Variants in VMP1 observed in about 807,000 individuals in gnomAD.
VMP1 encodes the protein ectopic P-granules autophagy protein 3 homolog.
A neutral mutation model predicts 56.0 loss-of-function variants in VMP1; 11 were observed. The ratio of observed to expected loss-of-function variants is 0.20; its 90% CI spans 0.12 to 0.32. VMP1 has a LOEUF of 0.32. Among genes scored for constraint, VMP1 ranks in the 10% least tolerant of loss-of-function variants. VMP1 has a pLI of 1.00. For synonymous variants in VMP1, 149 were observed against 165.0 expected (o/e 0.90, Z 0.74); for missense variants, 296 against 490.3 (o/e 0.60, Z 3.74).
At chr17:59,739,723 C>CA (rs35210425) in intron 5 of VMP1, among the ~76,000 whole-genome samples, 1,494 of 41,514 alleles carry the variant, frequency 0.036, 88 homozygotes, top group African/African-American at 0.14. Flanking sequence ...GACTCTGTCT[C>CA]AAAAAAAAAA....
intron 1 of VMP1, among the ~76,000 whole-genome samples, chr17:59,720,606 A>T (rs2034351749): frequency 6.6e-6 from 1 of 152,192 alleles, no homozygotes; most frequent in Admixed American, 6.5e-5. Context: ...ACTGCATTTA[A>T]AAATATTAAA....
chr17:59,720,612 T>C (rs2034352008), intron 1 of VMP1, among the ~76,000 whole-genome samples: 1 of 152,188 alleles, frequency 6.6e-6, no homozygotes, highest in South Asian at 2.1e-4. Context: ...TTTAAAAATA[T>C]TAAACAGCAT....
At chr17:59,745,421 A>G (rs1314131828) in intron 5 of VMP1, among the ~76,000 whole-genome samples, 1 of 152,250 alleles carries the variant, frequency 6.6e-6, no homozygotes, top group Non-Finnish European at 1.5e-5. Flanking sequence ...GCAATTATAG[A>G]AAAGAGTAAA....
At chr17:59,831,154 T>TTATC (rs2038793904) in intron 10 of VMP1, among the ~76,000 whole-genome samples, 1 of 152,168 alleles carries the variant, frequency 6.6e-6, no homozygotes, top group South Asian at 2.1e-4. Context: ...TACTTATTTA[T>TTATC]TATCTATCTA....
At chr17:59,828,809 A>G (rs1257349186) in intron 10 of VMP1, among the ~76,000 whole-genome samples, 1 of 152,206 alleles carries the variant, frequency 6.6e-6, no homozygotes, top group African/African-American at 2.4e-5. Context: ...TTCTTATAGT[A>G]TCAGCTTCAA....
In VMP1 at chr17:59,832,573, A is replaced by ATTTGTTTTGTTTTGT. The variant is rs71145579; in HGVS notation, c.975-5697_975-5683dup. On this transcript the variant is annotated intron_variant, in intron 10 of 11. Transcript: ENST00000262291. ...TCTTCTATGTCACAAAATTGTAGTTATTTGTTTTGTTTTGTTTTGTTTTGT... is the reference window on the plus strand; with the variant it reads ...TCTTCTATGTCACAAAATTGTAGTTATTTGTTTTGTTTTGTTTTGTTTTGTTTTGTTTTGTTTTGT... Among the ~76,000 whole-genome samples the ATTTGTTTTGTTTTGT allele has an allele frequency of 6.4e-3, 942 of 146,248 alleles. 5 individuals are homozygous for ATTTGTTTTGTTTTGT. The highest frequency in any genetic ancestry group is 0.024 in the Middle Eastern group (7 of 286).
At chr17:59,725,882 C>G (rs972487052) in intron 1 of VMP1, among the ~76,000 whole-genome samples, 1 of 152,110 alleles carries the variant, frequency 6.6e-6, no homozygotes, top group Admixed American at 6.6e-5. Flanking sequence ...ACCCCTGTTG[C>G]AATAGCTTAA....
chr17:59,719,507 T>C (rs980365904), intron 1 of VMP1, among the ~76,000 whole-genome samples: 3 of 152,000 alleles, frequency 2.0e-5, no homozygotes, highest in African/African-American at 7.3e-5. Flanking sequence ...TTAAAGAAAG[T>C]ATGTTCGTTT....
intron 7 of VMP1, among the ~76,000 whole-genome samples, chr17:59,796,576 A>G (rs1281614751): frequency 6.6e-6 from 1 of 152,192 alleles, no homozygotes; most frequent in Non-Finnish European, 1.5e-5. Flanking sequence ...GAGTGTGCAC[A>G]AAAAGTACAT....
intron 6 of VMP1, among the ~76,000 whole-genome samples, chr17:59,766,555 T>C (rs899227359): frequency 2.0e-5 from 3 of 152,134 alleles, no homozygotes; most frequent in Admixed American, 6.6e-5. Context: ...ATTTTCTGAG[T>C]TATTATAATG....
chr17:59,786,916 G>T (rs1421547312), intron 7 of VMP1, among the ~76,000 whole-genome samples: 5 of 152,228 alleles, frequency 3.3e-5, no homozygotes, highest in Middle Eastern at 6.8e-3. Flanking sequence ...ATCATTAAAG[G>T]CGTTGTCAAA....
intron 6 of VMP1, among the ~76,000 whole-genome samples, chr17:59,769,257 T>C (rs745671469): frequency 1.5e-4 from 22 of 151,316 alleles, no homozygotes; most frequent in Non-Finnish European, 2.8e-4. Flanking sequence ...CAGGTTCAAG[T>C]GATTCTGACT....
chr17:59,794,343 G>A (rs901528239), intron 7 of VMP1, among the ~76,000 whole-genome samples: 1 of 141,224 alleles, frequency 7.1e-6, no homozygotes, highest in Non-Finnish European at 1.5e-5. Flanking sequence ...CCTTAGCCTC[G>A]TGAGTAGCTG....
chr17:59,776,178 C>T (rs1468614748), intron 7 of VMP1, among the ~76,000 whole-genome samples: 2 of 152,014 alleles, frequency 1.3e-5, no homozygotes, highest in East Asian at 1.9e-4. Flanking sequence ...CACTACTGTA[C>T]TCTACCCTGG....
chr17:59,735,744 C>G lies in VMP1; in HGVS notation c.212+271C>G. 9.4e-6 allele frequency: 3 copies of G among 318,546 alleles called. No homozygotes were observed. The South Asian group carries it at 1.8e-4, about 19-fold the overall frequency. 19.7% of individuals were successfully genotyped at this position (318,546 alleles called of 1,614,324 possible). ...CTGCAGTGGAGAACACTGAAAAATACGATTTTTATTTTCTCTCCTGATTTT... is the reference window on the plus strand; with the variant it reads ...CTGCAGTGGAGAACACTGAAAAATAGGATTTTTATTTTCTCTCCTGATTTT... On this transcript the variant is annotated intron_variant, in intron 3 of 11. Transcript: ENST00000262291.
At chr17:59,711,451 CA>C (rs2033931865) in intron 1 of VMP1, among the ~76,000 whole-genome samples, 1 of 152,124 alleles carries the variant, frequency 6.6e-6, no homozygotes, top group Non-Finnish European at 1.5e-5. Flanking sequence ...ATAAACAGGA[CA>C]AATTGAAGTG....
At chr17:59,757,555 G>A (rs978068141) in intron 5 of VMP1, among the ~76,000 whole-genome samples, 3 of 151,916 alleles carry the variant, frequency 2.0e-5, no homozygotes, top group Admixed American at 2.0e-4. Context: ...CCACAGACAA[G>A]TACCTACATC....
chr17:59,708,010 G>A (rs2033747679), intron 1 of VMP1: 1 of 152,192 alleles, frequency 6.6e-6, no homozygotes, highest in South Asian at 2.1e-4. Context: ...TCTCCTCTCC[G>A]CGTACTTGGA....
At chr17:59,787,478 C>T (rs1029302433) in intron 7 of VMP1, among the ~76,000 whole-genome samples, 12 of 152,096 alleles carry the variant, frequency 7.9e-5, no homozygotes, top group South Asian at 2.1e-4. Flanking sequence ...TTTTTACATG[C>T]GCATTTCTGT....
Sources: gnomAD v4.1 joint callset for allele counts (sites outside exome capture counted in the v4.1 genomes callset) on GRCh38, gnomAD v4.1.1 for gene constraint, MANE v1.5 for transcripts, NCBI Gene and HGNC (gene_info 2026-07-23, HGNC 2026-07-21) for gene names.